FOXP1: variants seen among roughly 807,000 people sequenced by gnomAD.
FOXP1 encodes the protein forkhead box protein P1.
A neutral mutation model predicts 98.2 loss-of-function variants in FOXP1; 15 were observed. That is an observed-to-expected ratio of 0.15 (90% confidence interval 0.10 to 0.24). FOXP1 has a LOEUF of 0.24. FOXP1 is among the 10% of genes least tolerant of loss of function. The pLI, the probability that FOXP1 is intolerant of heterozygous loss-of-function variation, is 1.00. For synonymous variants in FOXP1, 371 were observed against 314.5 expected (o/e 1.18, Z -1.90); for missense variants, 633 against 848.5 (o/e 0.75, Z 3.15).
chr3:71,444,143 G>C (rs1375465343), intron 3 of FOXP1, among the ~76,000 whole-genome samples: 1 of 152,138 alleles, frequency 6.6e-6, no homozygotes, highest in Non-Finnish European at 1.5e-5. Flanking sequence ...GAACAGACTG[G>C]CCTGCGCCAA....
intron 20 of FOXP1, 21 bp downstream of exon 20, chr3:70,965,869 T>G (rs779877568): frequency 1.2e-6 from 2 of 1,612,812 alleles, no homozygotes; most frequent in Admixed American, 1.7e-5. Flanking sequence ...AGCAAAGACC[T>G]GTTGGGTGGA....
rs1308058613 is a variant in FOXP1, at chr3:71,073,290, GCTA to G, written c.283-19520_283-19518del. Among the ~76,000 whole-genome samples, 5 of 152,266 alleles carry G rather than the reference GCTA, an allele frequency of 3.3e-5. No individual in the cohort carries two copies. The South Asian group carries it at 6.2e-4, about 19-fold the overall frequency. ...TTCATCCGTTCACCCATCCCACTGG[GCTA>G]CTAACTTATTCTTCCCTCTAACTTT... On this transcript the variant is annotated intron_variant, in intron 7 of 20. Transcript: ENST00000649528.
chr3:71,396,776 G>A (rs1271795333), intron 3 of FOXP1, among the ~76,000 whole-genome samples: 1 of 150,492 alleles, frequency 6.6e-6, no homozygotes, highest in Non-Finnish European at 1.5e-5. Flanking sequence ...CAGGTCTTGT[G>A]AGATTGGGCA....
chr3:71,189,760 T>C (rs964629405), intron 6 of FOXP1, among the ~76,000 whole-genome samples: 2 of 152,248 alleles, frequency 1.3e-5, no homozygotes, highest in Non-Finnish European at 2.9e-5. Flanking sequence ...TTCCTTTCTC[T>C]TTCTGTGTCA....
At chr3:71,077,015 T>C (rs1311600370) in intron 7 of FOXP1, among the ~76,000 whole-genome samples, 11 of 152,250 alleles carry the variant, frequency 7.2e-5, no homozygotes, top group Non-Finnish European at 1.3e-4. Flanking sequence ...TTATGGAGCA[T>C]GGGCTCATGG....
At chr3:71,360,583 C>T (rs1383833529) in intron 3 of FOXP1, 1 of 152,074 alleles carries the variant, frequency 6.6e-6, no homozygotes, top group African/African-American at 2.4e-5. Flanking sequence ...CAAGGTTTCA[C>T]ATGCCGGGTC....
At chr3:71,355,173 T>A (rs1000900944) in intron 4 of FOXP1, among the ~76,000 whole-genome samples, 1 of 152,184 alleles carries the variant, frequency 6.6e-6, no homozygotes, top group African/African-American at 2.4e-5. Context: ...CTCAACCAGA[T>A]ACAGTCCTCT....
chr3:71,404,378 C>T (rs1247303540), intron 3 of FOXP1, among the ~76,000 whole-genome samples: 1 of 150,800 alleles, frequency 6.6e-6, no homozygotes, highest in African/African-American at 2.5e-5. Flanking sequence ...CCGCCCACCT[C>T]AGTCTCCCAA....
intron 18 of FOXP1, chr3:70,971,682 T>C (rs2036280420): frequency 4.6e-6 from 1 of 215,184 alleles, no homozygotes; most frequent in Non-Finnish European, 9.1e-6. Context: ...ACACACATTT[T>C]AACTAACCAA....
intron 3 of FOXP1, among the ~76,000 whole-genome samples, chr3:71,402,405 T>C (rs1407997351): frequency 1.3e-5 from 2 of 152,120 alleles, no homozygotes; most frequent in Admixed American, 1.3e-4. Context: ...CAGTAAACCA[T>C]GTTTGCGCCA....
chr3:71,267,543 G>A (rs2107256838), intron 5 of FOXP1, among the ~76,000 whole-genome samples: 1 of 152,270 alleles, frequency 6.6e-6, no homozygotes, highest in East Asian at 1.9e-4. Flanking sequence ...AAAAACAAAA[G>A]CGATTGTATA....
At chr3:71,478,915 G>T (rs1205342094) in intron 3 of FOXP1, among the ~76,000 whole-genome samples, 1 of 152,210 alleles carries the variant, frequency 6.6e-6, no homozygotes, top group African/African-American at 2.4e-5. Context: ...TGAGAATCTT[G>T]TTGAAAGGAG....
intron 13 of FOXP1, among the ~76,000 whole-genome samples, chr3:70,993,115 T>C (rs1204487260): frequency 1.3e-5 from 2 of 152,240 alleles, no homozygotes; most frequent in Non-Finnish European, 2.9e-5. Flanking sequence ...AGTAATCACA[T>C]GTAAAGTTCG....
intron 7 of FOXP1, among the ~76,000 whole-genome samples, chr3:71,067,753 C>CACACACACACACACAT (rs1319229405): frequency 6.6e-6 from 1 of 150,548 alleles, no homozygotes; most frequent in African/African-American, 2.5e-5. Flanking sequence ...CACACACACA[C>CACACACACACACACAT]ACACACACAC....
In FOXP1 at chr3:70,978,188, G is replaced by A. The variant is rs545622539; in HGVS notation, c.1147-159C>T. Among the ~76,000 whole-genome samples, 32 of 152,310 alleles carry A rather than the reference G, an allele frequency of 2.1e-4. No homozygotes were observed. The South Asian group carries it at 4.6e-3, about 22-fold the overall frequency. On this transcript the variant is annotated intron_variant, in intron 14 of 20. Transcript: ENST00000649528. ...AACCGAAACACACGGTGAGTCCTGC[G>A]TGAATTCACTTAGGATGCAGTGTAA...
At chr3:71,033,626 A>C (rs1405866274) in intron 11 of FOXP1, among the ~76,000 whole-genome samples, 17 of 143,076 alleles carry the variant, frequency 1.2e-4, no homozygotes, top group African/African-American at 3.6e-4. Context: ...AAAAAAAAAA[A>C]ACAACCCATA....
At chr3:71,337,175 C>G (rs2076738053) in intron 4 of FOXP1, among the ~76,000 whole-genome samples, 1 of 152,108 alleles carries the variant, frequency 6.6e-6, no homozygotes, top group South Asian at 2.1e-4. Context: ...GTGAGTGGAA[C>G]AGGACACAGG....
chr3:71,565,895 T>C (rs953626743), intron 2 of FOXP1, among the ~76,000 whole-genome samples: 2 of 152,088 alleles, frequency 1.3e-5, no homozygotes, highest in Non-Finnish European at 2.9e-5. Context: ...CCAGAAGTCA[T>C]TTGGGGTCGA....
At chr3:71,526,758 G>A (rs1360346856) in intron 2 of FOXP1, among the ~76,000 whole-genome samples, 3 of 152,014 alleles carry the variant, frequency 2.0e-5, no homozygotes, top group East Asian at 1.9e-4. Flanking sequence ...ACCCAAGGTC[G>A]GGAGTTAGAG....
Sources: allele counts gnomAD v4.1 joint callset (sites outside exome capture counted in the v4.1 genomes callset), GRCh38; gene constraint gnomAD v4.1.1; transcripts MANE v1.5; gene names NCBI Gene and HGNC (gene_info 2026-07-23, HGNC 2026-07-21).